WFDC1: variants seen among roughly 807,000 people sequenced by gnomAD.
WFDC1 encodes the protein WAP four-disulfide core domain protein 1.
Under a neutral mutation model 32.9 loss-of-function variants are expected in WFDC1, and 39 were observed. That is an observed-to-expected ratio of 1.19 (90% CI 0.92 to 1.55). The LOEUF is 1.55. Among genes scored for constraint, WFDC1 ranks in the 40% most tolerant of loss-of-function variants. The pLI, the probability that WFDC1 is intolerant of heterozygous loss-of-function variation, is 0.00. For synonymous variants in WFDC1, 184 were observed against 137.4 expected (o/e 1.34, Z -2.37); for missense variants, 386 against 309.5 (o/e 1.25, Z -1.85).
At chr16:84,316,567 C>G (rs1462945631) in intron 2 of WFDC1, 1 of 152,098 alleles carries the variant, frequency 6.6e-6, no homozygotes, top group Admixed American at 6.5e-5. Flanking sequence ...TGGGACCAGC[C>G]TGGGCAACAT....
intron 1 of WFDC1, among the ~76,000 whole-genome samples, chr16:84,300,440 C>T (rs1906867619): frequency 6.6e-6 from 1 of 152,256 alleles, no homozygotes; most frequent in Non-Finnish European, 1.5e-5. Context: ...TTCCCACTCC[C>T]CAGCTGGGGC....
chr16:84,312,980 C>T lies in WFDC1; in HGVS notation c.164C>T (p.Pro55Leu). The T allele has an allele frequency of 8.5e-7, 1 of 1,175,212 alleles. No homozygotes were observed. The highest frequency in any genetic ancestry group is 4.2e-5 in the South Asian group (1 of 23,850). 72.8% of individuals were successfully genotyped at this position (1,175,212 alleles called of 1,614,324 possible). A position where few individuals can be genotyped will look rare whatever the true frequency, so the allele number is the denominator to read the frequency against. Residue 55 changes from proline to leucine, a missense_variant, in exon 2 of 7, where the codon CCC becomes CTC. Physicochemically the swap from Pro to Leu is moderately conservative, Grantham distance 98. Coordinates refer to ENST00000219454, the MANE Select transcript of WFDC1 (RefSeq NM_021197.4). ...EKSRAEEAGAPGGPRQPRADR... is the reference protein window; with the variant it reads ...EKSRAEEAGALGGPRQPRADR... ...CCGCAGGCCGAGGAGGCGGGCGCGC[C>T]CGGCGGCCCCCGGCAGCCCCGAGCA...
intron 1 of WFDC1, among the ~76,000 whole-genome samples, chr16:84,311,107 G>A (rs913246187): frequency 3.9e-5 from 6 of 152,158 alleles, no homozygotes; most frequent in African/African-American, 1.4e-4. Context: ...GCAGAAGAGT[G>A]TTACTGGGCC....
In WFDC1 at chr16:84,294,959, G is replaced by A; in HGVS notation, c.-13G>A. Reference sequence around the variant, plus strand: ...TTCTGTGTGCGTCTGGAAGGTCGCTGCCCAGGGAGGAAATGCCTTTAACCG... The same window carrying A: ...TTCTGTGTGCGTCTGGAAGGTCGCTACCCAGGGAGGAAATGCCTTTAACCG... On this transcript the variant is annotated 5_prime_UTR_variant, in exon 1 of 7. Transcript: ENST00000219454. The A allele has an allele frequency of 6.2e-7, 1 of 1,609,048 alleles. No individual in the cohort carries two copies. The highest frequency in any genetic ancestry group is 8.5e-7 in the Non-Finnish European group (1 of 1,177,402).
intron 3 of WFDC1, chr16:84,319,072 G>A (rs80048965): frequency 0.062 from 19,729 of 317,638 alleles, 874 homozygotes; most frequent in Non-Finnish European, 0.081. Flanking sequence ...GTATTTGTGC[G>A]TCTGACTTGC....
chr16:84,301,565 C>T (rs141919805), intron 1 of WFDC1, among the ~76,000 whole-genome samples: 1,584 of 152,150 alleles, frequency 0.01, 8 homozygotes, highest in Admixed American at 0.016. Context: ...CAGTAGGCTC[C>T]GGAAACCCCC....
rs141323024 is a variant in WFDC1 at position 84,324,478 on chromosome 16, T to A, written c.604+18T>A. On this transcript the variant is annotated intron_variant, in intron 5 of 6. Transcript: ENST00000219454. ...ATATCCAGGTAAAAGAAGAAACTGT[T>A]CTTTCTTTCCAGAGGGCACAAAAAA... is the stretch of plus-strand genomic sequence containing the variant. 1 of 1,611,460 alleles carries A rather than the reference T, an allele frequency of 6.2e-7. No individual in the cohort carries two copies. Among genetic ancestry groups the A allele is most frequent in the Non-Finnish European group, 8.5e-7 (1 of 1,178,872 alleles).
At chr16:84,320,754 G>A (rs1050472025) in intron 4 of WFDC1, among the ~76,000 whole-genome samples, 6 of 152,106 alleles carry the variant, frequency 3.9e-5, no homozygotes, top group Non-Finnish European at 5.9e-5. Flanking sequence ...TCCCCGCTTC[G>A]GCATCTCATA....
At chr16:84,297,881 T>C (rs1906702410) in intron 1 of WFDC1, among the ~76,000 whole-genome samples, 1 of 152,050 alleles carries the variant, frequency 6.6e-6, no homozygotes, top group South Asian at 2.1e-4. Flanking sequence ...TTACGGATGA[T>C]AGGAAGCAGC....
intron 1 of WFDC1, among the ~76,000 whole-genome samples, chr16:84,308,712 C>G (rs1907422483): frequency 6.6e-6 from 1 of 151,956 alleles, no homozygotes; most frequent in Non-Finnish European, 1.5e-5. Flanking sequence ...TAGATGCCAT[C>G]CTGAGTGTAG....
chr16:84,326,766 G>A (rs1908624857), intron 5 of WFDC1, 116 bp from the exon 6 acceptor site: 1 of 1,204,170 alleles, frequency 8.3e-7, no homozygotes, highest in Non-Finnish European at 1.2e-6. Flanking sequence ...CTCAGCTGGG[G>A]GAGGGAGGAG....
chr16:84,322,158 T>C (rs56692252), intron 4 of WFDC1, among the ~76,000 whole-genome samples: 22 of 89,970 alleles, frequency 2.4e-4, no homozygotes, highest in East Asian at 7.2e-4. Flanking sequence ...TGTGTGTGTG[T>C]GCGTGTGTGT....
intron 1 of WFDC1, among the ~76,000 whole-genome samples, chr16:84,309,021 C>G (rs552794315): frequency 3.7e-4 from 56 of 152,336 alleles, no homozygotes; most frequent in Non-Finnish European, 7.5e-4. Flanking sequence ...GGTCACACAG[C>G]AAGTGAGTGG....
At chr16:84,310,470 A>C (rs973240015) in intron 1 of WFDC1, among the ~76,000 whole-genome samples, 3 of 152,094 alleles carry the variant, frequency 2.0e-5, no homozygotes, top group African/African-American at 7.3e-5. Context: ...CTCGCTCTGC[A>C]TGGAGACTGC....
At chr16:84,318,910 TTGTGTGTG>T (rs58546650) in intron 3 of WFDC1, 18,326 of 164,384 alleles carry the variant, frequency 0.11, 1,004 homozygotes, top group African/African-American at 0.16. Flanking sequence ...GGCTGAATAT[TTGTGTGTG>T]TGTGTGTGTG....
At chr16:84,306,647 C>T (rs1482488878) in intron 1 of WFDC1, among the ~76,000 whole-genome samples, 1 of 152,224 alleles carries the variant, frequency 6.6e-6, no homozygotes, top group East Asian at 1.9e-4. Flanking sequence ...CTGTGCAGGA[C>T]CCCTGCTCTG....
At chr16:84,326,992 A>C in intron 6 of WFDC1, 37 bp downstream of exon 6, 1 of 1,607,126 alleles carries the variant, frequency 6.2e-7, no homozygotes, top group Non-Finnish European at 8.5e-7. Context: ...GGCCAGGGTA[A>C]ATGTGGGCAG....
intron 1 of WFDC1, among the ~76,000 whole-genome samples, chr16:84,308,130 C>T (rs559040348): frequency 4.8e-4 from 73 of 152,160 alleles, no homozygotes; most frequent in African/African-American, 1.6e-3. Flanking sequence ...GGCCAGGGGC[C>T]CCCCTCCCAG....
intron 1 of WFDC1, 74 bp from the exon 2 acceptor site, chr16:84,312,887 C>G: frequency 1.0e-6 from 1 of 963,748 alleles, no homozygotes; most frequent in African/African-American, 1.7e-5. Flanking sequence ...ACTGCCCACC[C>G]CCTTGCAAGC....
Sources: allele counts gnomAD v4.1 joint callset (sites outside exome capture counted in the v4.1 genomes callset), GRCh38; gene constraint gnomAD v4.1.1; transcripts MANE v1.5; gene names NCBI Gene and HGNC (gene_info 2026-07-23, HGNC 2026-07-21).